SARDH: variants seen among roughly 807,000 people sequenced by gnomAD.
The protein encoded by SARDH is sarcosine dehydrogenase, mitochondrial.
A neutral mutation model predicts 109.1 loss-of-function variants in SARDH; 95 were observed. That is an observed-to-expected ratio of 0.87 (90% CI 0.74 to 1.03). The LOEUF (loss-of-function observed/expected upper bound fraction) is 1.03. SARDH is among the 50% of genes least tolerant of loss of function. The pLI is 0.00. For missense variants in SARDH, 1,267 were observed against 1,287.8 expected, an observed-to-expected ratio of 0.98 and a Z score of 0.25; for synonymous variants, 572 against 534.8, an observed-to-expected ratio of 1.07 and a Z score of -0.96.
intron 14 of SARDH, 30 bp from the exon 15 acceptor site, chr9:133,694,401 T>C: frequency 1.3e-6 from 2 of 1,524,286 alleles, no homozygotes; most frequent in African/African-American, 1.4e-5. Flanking sequence ...GCCGGGTCTG[T>C]GCTGAGGCCC....
At position 133,690,476 on chromosome 9, in the gene SARDH, G is replaced by A; in HGVS notation, c.1973C>T (p.Ser658Phe). 6.2e-7 allele frequency: 1 copy of A among 1,611,764 alleles called. No homozygotes were observed. Among genetic ancestry groups the A allele is most frequent in the South Asian group, 1.1e-5 (1 of 91,076 alleles). ...GTCCTGCAGCACGGTGGTGATGTGG[G>A]ACCAGTTGTGCTGGGCCACGGCCCC... is the stretch of plus-strand genomic sequence containing the variant. ...MGGAVAQHNW[S>F]HITTVLQDQK... is the part of the protein sequence containing the mutation. The change falls in exon 16 of 21, where the codon TCC (serine) becomes TTC (phenylalanine). Residue 658 changes from serine (S) to phenylalanine (F), a missense_variant. Ser to Phe is a radical substitution (Grantham distance 155). Transcript: ENST00000439388.
At chr9:133,665,559 C>T (rs1830033535) in intron 20 of SARDH, among the ~76,000 whole-genome samples, 2 of 152,190 alleles carry the variant, frequency 1.3e-5, no homozygotes, top group East Asian at 3.9e-4. Flanking sequence ...GATCCTTATC[C>T]AAGGTCACAA....
chr9:133,731,630 C>T (rs1376729108), intron 3 of SARDH, 146 bp from the exon 4 acceptor site: 8 of 741,366 alleles, frequency 1.1e-5, no homozygotes, highest in African/African-American at 1.8e-5. Context: ...GAGCCTGTCC[C>T]TTGAATCCGC....
At chr9:133,720,296 TGG>T (rs1832279767) in intron 6 of SARDH, among the ~76,000 whole-genome samples, 1 of 151,880 alleles carries the variant, frequency 6.6e-6, no homozygotes, top group East Asian at 1.9e-4. Context: ...GGCGTGGTGG[TGG>T]GCAGCTGTAA....
rs1378315497 is a variant in SARDH, at chr9:133,693,943, C to T, written c.1921+315G>A. On this transcript the variant is annotated intron_variant, in intron 15 of 20. Coordinates refer to ENST00000439388, the MANE Select transcript of SARDH (RefSeq NM_001134707.2). This position sits in a 1 kb window ranked among gnomAD's most constrained non-coding sequence, Gnocchi z 5.6. Reference sequence around the variant, plus strand: ...GACTGCTTTGAGTGGGAGGCACGGCCTAGCATTGGTACGCTTTGTTCCGGG... The same window carrying T: ...GACTGCTTTGAGTGGGAGGCACGGCTTAGCATTGGTACGCTTTGTTCCGGG... Among the ~76,000 whole-genome samples the T allele has an allele frequency of 2.0e-5, 3 of 152,240 alleles. No homozygotes were observed. Among genetic ancestry groups the T allele is most frequent in the African/African-American group, 4.8e-5 (2 of 41,464 alleles).
rs763750225 is a variant in SARDH at position 133,731,273 on chromosome 9, CAG to C, written c.690+30_690+31del. The C allele has an allele frequency of 5.6e-6, 9 of 1,610,552 alleles. No homozygotes were observed. The Middle Eastern group carries it at 8.3e-4, about 149-fold the overall frequency. On this transcript the variant is annotated intron_variant, in intron 4 of 20. Coordinates refer to ENST00000439388, the MANE Select transcript of SARDH (RefSeq NM_001134707.2). ...TAAGGCAGGAGGAGTGGGCTGGGAACAGGGGACCCAGAGCCAGGCGGCCATCA... is the reference window on the plus strand; with the variant it reads ...TAAGGCAGGAGGAGTGGGCTGGGAACGGGACCCAGAGCCAGGCGGCCATCA...
At chr9:133,708,497 C>T (rs1027177926) in intron 10 of SARDH, 69 bp from the exon 11 acceptor site, 10 of 1,523,144 alleles carry the variant, frequency 6.6e-6, no homozygotes, top group Non-Finnish European at 8.8e-6. Context: ...GCCTAGGACC[C>T]AGGGTAAGCC....
At chr9:133,721,832 C>T (rs2502757) in intron 6 of SARDH, among the ~76,000 whole-genome samples, 46,918 of 152,020 alleles carry the variant, frequency 0.31, 7,581 homozygotes, top group Non-Finnish European at 0.35. Context: ...ACACCATGGC[C>T]AGACTGGACG....
chr9:133,710,739 C>T (rs1831887879), intron 10 of SARDH, among the ~76,000 whole-genome samples: 1 of 152,274 alleles, frequency 6.6e-6, no homozygotes, highest in South Asian at 2.1e-4. Context: ...GGTGGCAGAA[C>T]ATTGCATTAG....
chr9:133,738,846 C>T (rs1832969907), upstream of SARDH, among the ~76,000 whole-genome samples: 1 of 152,214 alleles, frequency 6.6e-6, no homozygotes, highest in Non-Finnish European at 1.5e-5. Context: ...CCTGGGTCAG[C>T]TTCCCAGGGA....
upstream of SARDH, among the ~76,000 whole-genome samples, chr9:133,738,800 C>A (rs918739184): frequency 6.6e-6 from 1 of 152,314 alleles, no homozygotes; most frequent in Middle Eastern, 3.4e-3. Flanking sequence ...CCCCCAGGGA[C>A]AGGATGCTCA....
At position 133,712,804 on chromosome 9, in the gene SARDH, A is replaced by T. The variant is rs905195213; in HGVS notation, c.1238-95T>A. ...CCCCATCTCCACGGACAGCACAGACACTCCAAGCTCTGCTCTCACACCTGG... is the reference window on the plus strand; with the variant it reads ...CCCCATCTCCACGGACAGCACAGACTCTCCAAGCTCTGCTCTCACACCTGG... On this transcript the variant is annotated intron_variant, in intron 9 of 20. Coordinates refer to ENST00000439388, the MANE Select transcript of SARDH (RefSeq NM_001134707.2). The surrounding 1 kb of genome is among the most constrained non-coding windows in gnomAD (Gnocchi z 4.1). The T allele has an allele frequency of 1.6e-6, 2 of 1,225,794 alleles. No homozygotes were observed. The highest frequency in any genetic ancestry group is 3.8e-5 in the Admixed American group (2 of 52,654). The allele number at this position is 1,225,794 out of a possible 1,614,324, so 75.9% of individuals were successfully genotyped here.
Position 133,712,972 on chromosome 9 carries a change from C to T in SARDH, c.1237+66G>A, listed in dbSNP as rs777276535. ...GCCACGGTGCTCCTGCGCCCGCCTC[C>T]CCCAGAGCTCTGGGAATGACAGGAC... On this transcript the variant is annotated intron_variant, in intron 9 of 20. Transcript: ENST00000439388. This position sits in a 1 kb window ranked among gnomAD's most constrained non-coding sequence, Gnocchi z 4.1. The T allele has an allele frequency of 4.0e-6, 6 of 1,484,580 alleles. No homozygotes were observed. Among genetic ancestry groups the T allele is most frequent in the Non-Finnish European group, 5.5e-6 (6 of 1,085,394 alleles). 92.0% of individuals were successfully genotyped at this position (1,484,580 alleles called of 1,614,324 possible).
rs1437198202 is a variant in SARDH at position 133,702,921 on chromosome 9, C to G, written c.1663G>C (p.Asp555His). The change falls in exon 13 of 21, where the codon GAC (aspartate) becomes CAC (histidine). Residue 555 changes from aspartate to histidine, a missense_variant. Coordinates refer to ENST00000439388, the MANE Select transcript of SARDH (RefSeq NM_001134707.2). The part of the protein sequence containing the change: ...EYTFAFPPHH[D>H]TIKKECLACR... ...GGTGGACCCCAGCTACGCACCGTGT[C>G]GTGGTGGGGCGGGAAGGCGAAGGTG... The G allele has an allele frequency of 1.2e-6, 2 of 1,611,670 alleles. No individual in the cohort carries two copies. Among genetic ancestry groups the G allele is most frequent in the Non-Finnish European group, 1.7e-6 (2 of 1,179,850 alleles).
chr9:133,705,032 C>G lies in SARDH; in HGVS notation c.1471-1G>C. On this transcript the variant is annotated splice_acceptor_variant, in intron 11 of 20. Transcript: ENST00000439388. LOFTEE classifies it high-confidence loss of function. Reference sequence around the variant, plus strand: ...ACACGCAGCCTTGTCCAAGGAGTTCCTGAGCAGGAGTGGGGAACAGGCATC... The same window carrying G: ...ACACGCAGCCTTGTCCAAGGAGTTCGTGAGCAGGAGTGGGGAACAGGCATC... 3.1e-6 allele frequency: 5 copies of G among 1,588,064 alleles called. No homozygotes were observed. The highest frequency in any genetic ancestry group is 4.3e-6 in the Non-Finnish European group (5 of 1,168,038).
chr9:133,687,431 G>A (rs1034243044), intron 16 of SARDH, among the ~76,000 whole-genome samples: 1 of 152,134 alleles, frequency 6.6e-6, no homozygotes, highest in African/African-American at 2.4e-5. Flanking sequence ...CCACCGTGCT[G>A]AGCTAATTGA....
chr9:133,734,957 A>G (rs1409862957), intron 1 of SARDH, among the ~76,000 whole-genome samples: 1 of 152,132 alleles, frequency 6.6e-6, no homozygotes, highest in East Asian at 1.9e-4. Context: ...CCTGGGAGGC[A>G]GGAGTGCCCA....
Position 133,685,244 on chromosome 9 carries a change from G to A in SARDH, c.2112C>T (p.Asn704=), listed in dbSNP as rs144844844. The A allele has an allele frequency of 6.8e-6, 11 of 1,614,040 alleles. No individual in the cohort carries two copies. The highest frequency in any genetic ancestry group is 1.1e-5 in the South Asian group (1 of 91,076). Residue 704 remains asparagine, a synonymous_variant, in exon 17 of 21, where the codon AAC becomes AAT. Transcript: ENST00000439388. ...TGTGGGTGGAGAACGGGAAGGCCTC[G>A]TTGCTCAGGTCTGCGTCCAGCACCT... ...LQEVLDADLS[N]EAFPFSTHKL... is the part of the protein sequence containing the mutation.
intron 16 of SARDH, among the ~76,000 whole-genome samples, chr9:133,688,063 C>G (rs528201512): frequency 1.3e-5 from 2 of 152,190 alleles, no homozygotes; most frequent in African/African-American, 4.8e-5. Context: ...CTGCCTCCCC[C>G]ACACTAAAAA....
Sources: allele counts gnomAD v4.1 joint callset (sites outside exome capture counted in the v4.1 genomes callset), GRCh38; gene constraint gnomAD v4.1.1; non-coding constraint Gnocchi (gnomAD v3.1); transcripts MANE v1.5; gene names NCBI Gene and HGNC (gene_info 2026-07-23, HGNC 2026-07-21).